The following CACNA1B variants were observed in gnomAD, a reference collection of about 807,000 sequenced individuals.
CACNA1B encodes calcium voltage-gated channel subunit alpha1 B.
Under a neutral mutation model 247.2 loss-of-function variants are expected in CACNA1B, and 70 were observed. The ratio of observed to expected loss-of-function variants is 0.28; its 90% CI spans 0.23 to 0.35. The LOEUF (loss-of-function observed/expected upper bound fraction) is 0.35, where lower values mean the gene tolerates loss of function less well. CACNA1B is among the 10% of genes least tolerant of loss of function. The pLI is 1.00. For synonymous variants in CACNA1B, 1,231 were observed against 1,294.4 expected (o/e 0.95, Z 1.05); for missense variants, 2,367 against 3,197.4 (o/e 0.74, Z 6.26).
chr9:137,938,302 A>T (rs1404295886), intron 6 of CACNA1B, among the ~76,000 whole-genome samples: 1 of 152,184 alleles, frequency 6.6e-6, no homozygotes, highest in Non-Finnish European at 1.5e-5. Flanking sequence ...ACCAAAATGG[A>T]ACCTCCTTAA....
intron 10 of CACNA1B, among the ~76,000 whole-genome samples, chr9:137,969,234 G>A (rs1958116541): frequency 6.6e-6 from 1 of 152,248 alleles, no homozygotes; most frequent in Admixed American, 6.5e-5. Context: ...CAGTCCCCTG[G>A]CTCTGGCGCC....
chr9:138,035,184 C>A (rs376317464), intron 20 of CACNA1B, among the ~76,000 whole-genome samples: 19 of 152,250 alleles, frequency 1.2e-4, no homozygotes, highest in African/African-American at 4.6e-4. Flanking sequence ...GCTGGCCGGG[C>A]ACAGTGGCTC....
chr9:137,995,106 G>A (rs1410366704), intron 15 of CACNA1B, among the ~76,000 whole-genome samples: 4 of 151,960 alleles, frequency 2.6e-5, no homozygotes, highest in African/African-American at 9.7e-5. Flanking sequence ...TACTTGGAAG[G>A]CTGAGGCAGA....
At chr9:137,906,363 T>C (rs1248246453) in intron 3 of CACNA1B, among the ~76,000 whole-genome samples, 1 of 152,146 alleles carries the variant, frequency 6.6e-6, no homozygotes, top group East Asian at 1.9e-4. Context: ...AGGGAGAAAC[T>C]TTTCCTCCTA....
In CACNA1B at chr9:138,053,325, C is replaced by T. The variant is rs552516101; in HGVS notation, c.3808-521C>T. Among the ~76,000 whole-genome samples the T allele has an allele frequency of 4.6e-5, 7 of 152,314 alleles. No homozygotes were observed. The South Asian group carries it at 1.2e-3, about 27-fold the overall frequency. ...CTCTAGCACCTCCTGCCCCTCCATCCGGGCCAAGATGCCTCCCCTCACAAG... is the reference window on the plus strand; with the variant it reads ...CTCTAGCACCTCCTGCCCCTCCATCTGGGCCAAGATGCCTCCCCTCACAAG... On this transcript the variant is annotated intron_variant, in intron 25 of 46. Transcript: ENST00000371372.
At chr9:137,949,141 ATCTGTGCATGTGTGTGGTGTGTGCGCT>A (rs1957841014) in intron 6 of CACNA1B, among the ~76,000 whole-genome samples, 1 of 1,188 alleles carries the variant, frequency 8.4e-4, no homozygotes, top group African/African-American at 2.9e-3. Context: ...TGTGTGGTGT[ATCTGTGCATGTGTGTGGTGTGTGCGCT>A]TGTGTGTCCA....
chr9:137,965,480 A>G (rs1170537567), intron 10 of CACNA1B, among the ~76,000 whole-genome samples: 4 of 152,280 alleles, frequency 2.6e-5, no homozygotes, highest in Non-Finnish European at 4.4e-5. Flanking sequence ...CAGGAGTTTG[A>G]GACAAGCCTG....
At chr9:138,085,967 G>T (rs989431376) in intron 36 of CACNA1B, among the ~76,000 whole-genome samples, 4 of 151,070 alleles carry the variant, frequency 2.6e-5, no homozygotes, top group Non-Finnish European at 5.9e-5. Context: ...TATAAAACTC[G>T]CTGGTAGAGT....
At chr9:138,116,883 A>G (rs897697696) in intron 42 of CACNA1B, among the ~76,000 whole-genome samples, 5 of 152,186 alleles carry the variant, frequency 3.3e-5, no homozygotes, top group Admixed American at 2.0e-4. Context: ...CCCAGACAGC[A>G]TGGAAGGAGA....
chr9:137,958,248 C>CA (rs1193098992), intron 10 of CACNA1B, among the ~76,000 whole-genome samples: 2 of 152,236 alleles, frequency 1.3e-5, no homozygotes, highest in Non-Finnish European at 2.9e-5. Flanking sequence ...TGCGTACACA[C>CA]ACATACACTT....
At chr9:137,938,947 T>C (rs1290126829) in intron 6 of CACNA1B, among the ~76,000 whole-genome samples, 1 of 152,122 alleles carries the variant, frequency 6.6e-6, no homozygotes, top group African/African-American at 2.4e-5. Context: ...GGCAGGCTCC[T>C]GTAATCTCAG....
At position 138,093,696 on chromosome 9, in the gene CACNA1B, C is replaced by T. The variant is rs144589767; in HGVS notation, c.5095-2788C>T. On this transcript the variant is annotated intron_variant, in intron 36 of 46. Coordinates refer to ENST00000371372, the MANE Select transcript of CACNA1B (RefSeq NM_000718.4). ...TGGAGGCTGCAGTGACCTGAGATCA[C>T]GCCACTGCACTCCAGCCTGGGAGAC... Among the ~76,000 whole-genome samples, 738 of 151,588 alleles carry T rather than the reference C, an allele frequency of 4.9e-3. 7 individuals carry two copies. The highest frequency in any genetic ancestry group is 0.017 in the African/African-American group (710 of 41,318).
At position 137,941,077 on chromosome 9, in the gene CACNA1B, GAGAA is replaced by G. The variant is rs1274442254; in HGVS notation, c.967-11186_967-11183del. ...AGTCCTAACCAGAGCAATCAGACAA[GAGAA>G]AGAAAGAAAGGTTATCCAAATTGGG... On this transcript the variant is annotated intron_variant, in intron 6 of 46. Coordinates refer to ENST00000371372, the MANE Select transcript of CACNA1B (RefSeq NM_000718.4). Among the ~76,000 whole-genome samples, 5 of 152,154 alleles carry G rather than the reference GAGAA, an allele frequency of 3.3e-5. No homozygotes were observed. In the East Asian group the frequency reaches 7.7e-4, roughly 23 times the overall value.
rs1339768756 is a variant in CACNA1B, at chr9:138,010,051, C to T, written c.2134C>T (p.Leu712=). 1 of 1,613,676 alleles carries T rather than the reference C, an allele frequency of 6.2e-7. No homozygotes were observed. The highest frequency in any genetic ancestry group is 8.5e-7 in the Non-Finnish European group (1 of 1,179,714). Residue 712 remains leucine, a synonymous_variant, in exon 17 of 47, where the codon CTG becomes TTG. Coordinates refer to ENST00000371372, the MANE Select transcript of CACNA1B (RefSeq NM_000718.4). The surrounding 1 kb of genome is among the most constrained non-coding windows in gnomAD (Gnocchi z 5.3). ...CTTTCTGGCCATCGCTGTGGACAAC[C>T]TGGCCAACGCCCAAGAGCTGACCAA... ...NVFLAIAVDN[L]ANAQELTKDE...
At chr9:137,886,694 G>A (rs1461067615) in intron 3 of CACNA1B, among the ~76,000 whole-genome samples, 1 of 151,346 alleles carries the variant, frequency 6.6e-6, no homozygotes, top group African/African-American at 2.4e-5. Flanking sequence ...GTGGACGGAT[G>A]ACCAGAGAGC....
At chr9:138,044,165 A>G (rs1172384732) in intron 21 of CACNA1B, among the ~76,000 whole-genome samples, 1 of 152,204 alleles carries the variant, frequency 6.6e-6, no homozygotes, top group Non-Finnish European at 1.5e-5. Context: ...GTGTCTCTGC[A>G]CACAGGGACG....
At chr9:137,890,579 C>T (rs1265718603) in intron 3 of CACNA1B, 5 of 150,606 alleles carry the variant, frequency 3.3e-5, no homozygotes, top group African/African-American at 1.2e-4. Context: ...ACAGGATCCA[C>T]TCTGTGCTCC....
At position 138,004,856 on chromosome 9, in the gene CACNA1B, T is replaced by C. The variant is rs140005322; in HGVS notation, c.1975-1911T>C. Among the ~76,000 whole-genome samples the C allele has an allele frequency of 5.3e-5, 8 of 152,256 alleles. No homozygotes were observed. In the East Asian group the frequency reaches 1.4e-3, roughly 26 times the overall value. On this transcript the variant is annotated intron_variant, in intron 15 of 46. Transcript: ENST00000371372. ...AATAGACATTTCTCAAAAGAAGACA[T>C]ACAAATGGCCAACAGATGTATGAAA...
intron 36 of CACNA1B, among the ~76,000 whole-genome samples, chr9:138,091,764 G>A (rs1220199250): frequency 6.6e-6 from 1 of 152,144 alleles, no homozygotes; most frequent in African/African-American, 2.4e-5. Context: ...TTTAAAAAAA[G>A]GAACTGAATA....
Sources: allele counts gnomAD v4.1 joint callset (sites outside exome capture counted in the v4.1 genomes callset), GRCh38; gene constraint gnomAD v4.1.1; non-coding constraint Gnocchi (gnomAD v3.1); transcripts MANE v1.5; gene names NCBI Gene and HGNC (gene_info 2026-07-23, HGNC 2026-07-21).